The following TTLL11 variants were observed in gnomAD, a reference collection of about 807,000 sequenced individuals.
TTLL11 encodes the protein tubulin polyglutamylase TTLL11.
In TTLL11, 42 loss-of-function variants were observed where a neutral mutation model predicts 51.7. The observed-to-expected ratio is 0.81, with a 90% CI of 0.64 to 1.05. The LOEUF is 1.05. Among genes scored for constraint, TTLL11 ranks in the 50% least tolerant of loss-of-function variants. TTLL11 has a pLI of 0.00. For synonymous variants in TTLL11, 381 were observed against 383.5 expected, an observed-to-expected ratio of 0.99 and a Z score of 0.08; for missense variants, 799 against 940.4, an observed-to-expected ratio of 0.85 and a Z score of 1.97.
At chr9:122,028,310 A>G (rs12002544) in intron 3 of TTLL11, among the ~76,000 whole-genome samples, 2,465 of 152,276 alleles carry the variant, frequency 0.016, 62 homozygotes, top group African/African-American at 0.055. Flanking sequence ...GAGACTGTCA[A>G]ACTGAATAAA....
chr9:122,039,729 G>C (rs1844790138), intron 1 of TTLL11, among the ~76,000 whole-genome samples: 1 of 152,122 alleles, frequency 6.6e-6, no homozygotes, highest in Non-Finnish European at 1.5e-5. Context: ...GGGTCACACA[G>C]AGCTGGTAAG....
At chr9:121,899,441 T>C (rs1374179396) in intron 6 of TTLL11, among the ~76,000 whole-genome samples, 14 of 148,936 alleles carry the variant, frequency 9.4e-5, no homozygotes, top group Non-Finnish European at 1.5e-4. Context: ...TCTCAGTCTT[T>C]CACCCAAGCT....
rs184924066 is a variant in TTLL11, at chr9:121,915,365, T to G, written c.1482-44617A>C. 4.6e-5 allele frequency among the ~76,000 whole-genome samples: 7 copies of G among 152,342 alleles called. No individual in the cohort carries two copies. In the East Asian group the frequency reaches 1.3e-3, roughly 29 times the overall value. ...TTTTGGAGTGCATATACTAGTGCTGTGCTTGTATACAGCTGTTACAAGAAC... is the reference window on the plus strand; with the variant it reads ...TTTTGGAGTGCATATACTAGTGCTGGGCTTGTATACAGCTGTTACAAGAAC... On this transcript the variant is annotated intron_variant, in intron 6 of 8. Transcript: ENST00000321582.
rs563806108 is a variant in TTLL11 at position 122,009,511 on chromosome 9, C to T, written c.694-19741G>A. On this transcript the variant is annotated intron_variant, in intron 3 of 8. Coordinates refer to ENST00000321582, the MANE Select transcript of TTLL11 (RefSeq NM_001139442.2). The stretch of plus-strand genomic sequence containing the variant: ...TGTACATTACTTATTGTTCTCTATT[C>T]TCTGTATAGTATATATGTAGACATA... Among the ~76,000 whole-genome samples, 7 of 151,714 alleles carry T rather than the reference C, an allele frequency of 4.6e-5. No individual in the cohort carries two copies. In the South Asian group the frequency reaches 1.3e-3, roughly 27 times the overall value.
chr9:121,976,202 C>T (rs774635628), intron 4 of TTLL11, among the ~76,000 whole-genome samples: 1 of 152,190 alleles, frequency 6.6e-6, no homozygotes, highest in Non-Finnish European at 1.5e-5. Context: ...TCTCCAACAC[C>T]GTCTGCTTCA....
At chr9:122,067,564 C>T (rs1473902660) in intron 1 of TTLL11, among the ~76,000 whole-genome samples, 1 of 152,156 alleles carries the variant, frequency 6.6e-6, no homozygotes, top group Non-Finnish European at 1.5e-5. Context: ...TTCTGTCACC[C>T]AGGCTGGAGT....
intron 4 of TTLL11, among the ~76,000 whole-genome samples, chr9:121,983,804 C>T (rs1005630821): frequency 6.6e-6 from 1 of 152,120 alleles, no homozygotes; most frequent in African/African-American, 2.4e-5. Context: ...CTCCCCATTA[C>T]ACTGTGTGCC....
chr9:122,007,132 T>C (rs1303955473), intron 3 of TTLL11, among the ~76,000 whole-genome samples: 1 of 151,924 alleles, frequency 6.6e-6, no homozygotes, highest in Non-Finnish European at 1.5e-5. Context: ...ATAATTTGGA[T>C]TAAAAGTAGG....
chr9:121,981,029 T>C (rs1292877006), intron 4 of TTLL11, among the ~76,000 whole-genome samples: 1 of 152,330 alleles, frequency 6.6e-6, no homozygotes, highest in East Asian at 1.9e-4. Context: ...AGTGTGTGTG[T>C]CTGTGCATGT....
At chr9:121,826,555 G>GTATA (rs1230489015) in intron 8 of TTLL11, among the ~76,000 whole-genome samples, 531 of 48,108 alleles carry the variant, frequency 0.011, 44 homozygotes, top group African/African-American at 0.047. Flanking sequence ...ATATATGTGT[G>GTATA]TGTATATATA....
intron 6 of TTLL11, among the ~76,000 whole-genome samples, chr9:121,907,454 A>G (rs1038958816): frequency 2.0e-5 from 3 of 146,480 alleles, no homozygotes; most frequent in Non-Finnish European, 3.0e-5. Flanking sequence ...CTGTCTCAAA[A>G]AAAAAAAAAA....
intron 8 of TTLL11, among the ~76,000 whole-genome samples, chr9:121,843,632 C>G (rs1837427667): frequency 2.6e-5 from 4 of 152,096 alleles, no homozygotes; most frequent in Admixed American, 2.6e-4. Context: ...TAACAAAGGC[C>G]TGCTAATGCG....
rs375642583 is a variant in TTLL11, at chr9:122,048,891, C to T, written c.463-9523G>A. Among the ~76,000 whole-genome samples the T allele has an allele frequency of 2.0e-5, 3 of 152,218 alleles. No individual in the cohort carries two copies. The East Asian group carries it at 5.8e-4, about 29-fold the overall frequency. ...TGTCCACCTGGCCACTTTGCAAACT[C>T]CTTAAGCACAAGGAGAGCCCATGAT... On this transcript the variant is annotated intron_variant, in intron 1 of 8. Coordinates refer to ENST00000321582, the MANE Select transcript of TTLL11 (RefSeq NM_001139442.2).
intron 6 of TTLL11, among the ~76,000 whole-genome samples, chr9:121,888,343 T>C (rs1424448231): frequency 1.3e-5 from 2 of 152,228 alleles, no homozygotes; most frequent in Admixed American, 1.3e-4. Flanking sequence ...TCATTCTGCC[T>C]GTAGACAAGT....
chr9:122,045,208 A>G (rs74879367), intron 1 of TTLL11, among the ~76,000 whole-genome samples: 1 of 152,088 alleles, frequency 6.6e-6, no homozygotes. Flanking sequence ...AAAAAAAAAA[A>G]TCACTGGCTG....
chr9:121,857,843 T>G (rs1440588095), intron 8 of TTLL11, among the ~76,000 whole-genome samples: 2 of 152,140 alleles, frequency 1.3e-5, no homozygotes, highest in Admixed American at 6.5e-5. Context: ...GAATTAACAA[T>G]GGGCCAGATG....
intron 8 of TTLL11, among the ~76,000 whole-genome samples, chr9:121,830,869 C>A (rs770986926): frequency 2.6e-5 from 4 of 152,148 alleles, no homozygotes; most frequent in Non-Finnish European, 4.4e-5. Context: ...ACTGGGGAGT[C>A]CTGAAGTGAC....
At chr9:122,072,070 C>T (rs1029418633) in intron 1 of TTLL11, among the ~76,000 whole-genome samples, 1 of 152,162 alleles carries the variant, frequency 6.6e-6, no homozygotes, top group African/African-American at 2.4e-5. Context: ...CACATACACC[C>T]CTGTTTAAAA....
chr9:122,040,477 G>A (rs909754234), intron 1 of TTLL11: 2 of 946,246 alleles, frequency 2.1e-6, no homozygotes, highest in African/African-American at 3.5e-5. Flanking sequence ...TAACTCAGAT[G>A]ACCTTGTTAA....
Sources: gnomAD v4.1 joint callset for allele counts (sites outside exome capture counted in the v4.1 genomes callset) on GRCh38, gnomAD v4.1.1 for gene constraint, MANE v1.5 for transcripts, NCBI Gene and HGNC (gene_info 2026-07-23, HGNC 2026-07-21) for gene names.